ARID4A: variants seen among roughly 807,000 people sequenced by gnomAD.
ARID4A encodes AT-rich interaction domain 4A, also known as AT-rich interactive domain-containing protein 4A.
ARID4A carries 39 observed loss-of-function variants against 148.6 expected under a neutral mutation model. That is an observed-to-expected ratio of 0.26 (90% CI 0.20 to 0.34). The LOEUF is 0.34. Ranked by LOEUF, ARID4A falls within the 10% of genes least tolerant of loss-of-function variation. ARID4A has a pLI of 1.00. For synonymous variants in ARID4A, 475 were observed against 481.2 expected, an observed-to-expected ratio of 0.99 and a Z score of 0.17; for missense variants, 1,265 against 1,449.1, an observed-to-expected ratio of 0.87 and a Z score of 2.06.
intron 22 of ARID4A, 54 bp from the exon 23 acceptor site, chr14:58,366,829 T>C (rs1256113373): frequency 1.5e-6 from 2 of 1,355,362 alleles, no homozygotes; most frequent in Non-Finnish European, 2.0e-6. Context: ...ATTGTCATCA[T>C]TTTTCTCACA....
chr14:58,339,114 GCATGCACCAC>G (rs2033980643), intron 11 of ARID4A, among the ~76,000 whole-genome samples: 1 of 151,216 alleles, frequency 6.6e-6, no homozygotes, highest in African/African-American at 2.4e-5. Flanking sequence ...AGGATTATAG[GCATGCACCAC>G]CATGCCCGGC....
At chr14:58,356,720 T>A (rs928466452) in intron 17 of ARID4A, among the ~76,000 whole-genome samples, 2,131 of 150,566 alleles carry the variant, frequency 0.014, 48 homozygotes, top group African/African-American at 0.049. Context: ...TTTTTTTTTT[T>A]AAGACGGAGT....
At chr14:58,345,654 A>G (rs751525232) in intron 12 of ARID4A, among the ~76,000 whole-genome samples, 1 of 151,694 alleles carries the variant, frequency 6.6e-6, no homozygotes, top group Non-Finnish European at 1.5e-5. Context: ...CATTTGTGTC[A>G]AAGTAGTGAA....
chr14:58,300,355 G>A (rs563153781), intron 2 of ARID4A, among the ~76,000 whole-genome samples: 1 of 114,754 alleles, frequency 8.7e-6, no homozygotes, highest in South Asian at 3.0e-4. Context: ...TTTCCAATAA[G>A]TATTTTAAAA....
At chr14:58,319,468 T>G (rs2032702743) in intron 7 of ARID4A, among the ~76,000 whole-genome samples, 1 of 146,650 alleles carries the variant, frequency 6.8e-6, no homozygotes, top group Non-Finnish European at 1.5e-5. Context: ...CATTTCAAAC[T>G]TAAAGATTGC....
intron 8 of ARID4A, among the ~76,000 whole-genome samples, chr14:58,327,882 A>C (rs1348616301): frequency 6.6e-6 from 1 of 152,136 alleles, no homozygotes; most frequent in Non-Finnish European, 1.5e-5. Context: ...TATGCCACCC[A>C]GGCTGGTCTT....
rs1481639092 is a variant in ARID4A, at chr14:58,366,875, C to T, written c.3524-8C>T. On this transcript the variant is annotated splice_polypyrimidine_tract_variant and splice_region_variant and intron_variant, in intron 22 of 23. Coordinates refer to ENST00000355431, the MANE Select transcript of ARID4A (RefSeq NM_002892.4). ...AAAATCCAAATTAACTTCTTTCCCC[C>T]CTTTTAGATGAATTAGATAATATGA... is the stretch of plus-strand genomic sequence containing the variant. 1 of 1,488,594 alleles carries T rather than the reference C, an allele frequency of 6.7e-7. No individual in the cohort carries two copies. Among genetic ancestry groups the T allele is most frequent in the South Asian group, 1.4e-5 (1 of 69,696 alleles). The allele number at this position is 1,488,594 out of a possible 1,614,324, so 92.2% of individuals were successfully genotyped here.
At chr14:58,341,929 T>C (rs1184674626) in intron 11 of ARID4A, among the ~76,000 whole-genome samples, 2 of 152,118 alleles carry the variant, frequency 1.3e-5, no homozygotes, top group East Asian at 1.9e-4. Flanking sequence ...TACCTCCCAT[T>C]CTTATAACCC....
intron 15 of ARID4A, among the ~76,000 whole-genome samples, chr14:58,349,843 GCTCACGCCTGTAAT>G (rs1184864833): frequency 6.6e-6 from 1 of 152,120 alleles, no homozygotes; most frequent in Non-Finnish European, 1.5e-5. Flanking sequence ...GGGCACGGTG[GCTCACGCCTGTAAT>G]CTCAGCACTT....
Position 58,363,618 on chromosome 14 carries a change from T to C in ARID4A, c.2081-552T>C, listed in dbSNP as rs369393219. 2.6e-5 allele frequency among the ~76,000 whole-genome samples: 4 copies of C among 151,852 alleles called. 1 individual carries two copies. ...GGCTGAGGCAGGAGAAATGCTTGAA[T>C]CCAGGAGGCGGAGCTTGCAGTGAGC... On this transcript the variant is annotated intron_variant, in intron 19 of 23. Coordinates refer to ENST00000355431, the MANE Select transcript of ARID4A (RefSeq NM_002892.4).
intron 20 of ARID4A, 102 bp downstream of exon 20, chr14:58,365,402 T>A: frequency 1.4e-6 from 2 of 1,432,986 alleles, no homozygotes; most frequent in Non-Finnish European, 1.9e-6. Flanking sequence ...CTTTTTCTTT[T>A]CTCTCTTCTT....
intron 13 of ARID4A, 62 bp downstream of exon 13, chr14:58,346,567 A>G (rs1331944261): frequency 2.8e-6 from 3 of 1,072,436 alleles, no homozygotes; most frequent in East Asian, 5.0e-5. Flanking sequence ...GTTATCTTAT[A>G]TTGCATTATT....
intron 5 of ARID4A, among the ~76,000 whole-genome samples, chr14:58,317,971 TA>T (rs74944621): frequency 0.012 from 1,674 of 142,300 alleles, 29 homozygotes; most frequent in African/African-American, 0.036. Flanking sequence ...CTGTCTTTAT[TA>T]AAAAAAAAAA....
intron 2 of ARID4A, 49 bp from the exon 3 acceptor site, chr14:58,301,531 G>A (rs763642798): frequency 4.5e-6 from 6 of 1,326,612 alleles, no homozygotes; most frequent in African/African-American, 4.3e-5. Flanking sequence ...TGAGGTTGGA[G>A]TAGGGAGGCA....
intron 5 of ARID4A, 40 bp downstream of exon 5, chr14:58,306,152 G>T: frequency 7.1e-7 from 1 of 1,412,684 alleles, no homozygotes; most frequent in South Asian, 1.2e-5. Flanking sequence ...TGATTTGGAG[G>T]TTGCATGTAT....
chr14:58,300,688 A>G (rs913577719), intron 2 of ARID4A, among the ~76,000 whole-genome samples: 1 of 152,176 alleles, frequency 6.6e-6, no homozygotes, highest in Non-Finnish European at 1.5e-5. Context: ...TACTTGGGAA[A>G]ACTTATTAGA....
intron 11 of ARID4A, among the ~76,000 whole-genome samples, chr14:58,334,512 C>T (rs973454345): frequency 6.6e-6 from 1 of 152,100 alleles, no homozygotes; most frequent in Admixed American, 6.5e-5. Context: ...TTACCAAATT[C>T]CACTGGGCCT....
At chr14:58,314,116 T>C (rs1223264817) in intron 5 of ARID4A, among the ~76,000 whole-genome samples, 25 of 152,242 alleles carry the variant, frequency 1.6e-4, no homozygotes, top group Non-Finnish European at 2.9e-5. Flanking sequence ...CAATGAACAA[T>C]CTATTCAAAA....
intron 8 of ARID4A, among the ~76,000 whole-genome samples, 195 bp from the exon 9 acceptor site, chr14:58,328,042 T>A (rs565791757): frequency 5.9e-5 from 9 of 152,336 alleles, no homozygotes; most frequent in African/African-American, 2.2e-4. Flanking sequence ...AGGCAACCAA[T>A]GTGCAGACAA....
Sources: allele counts gnomAD v4.1 joint callset (sites outside exome capture counted in the v4.1 genomes callset), GRCh38; gene constraint gnomAD v4.1.1; transcripts MANE v1.5; gene names NCBI Gene and HGNC (gene_info 2026-07-23, HGNC 2026-07-21).